The following LRRIQ1 variants were observed in gnomAD, a reference collection of about 807,000 sequenced individuals.
LRRIQ1 encodes leucine rich repeats and IQ motif containing 1, also known as leucine-rich repeat- and IQ domain-containing protein 1.
Under a neutral mutation model 211.9 loss-of-function variants are expected in LRRIQ1, and 210 were observed. That is an observed-to-expected ratio of 0.99 (90% CI 0.89 to 1.11). The LOEUF (loss-of-function observed/expected upper bound fraction) is 1.11, where lower values mean the gene tolerates loss of function less well. LRRIQ1 is among the 50% of genes most tolerant of loss of function. The pLI, the probability that LRRIQ1 is intolerant of heterozygous loss-of-function variation, is 0.00. For synonymous variants in LRRIQ1, 699 were observed against 650.1 expected (o/e 1.08, Z -1.14); for missense variants, 2,136 against 1,939.5 (o/e 1.10, Z -1.90).
At chr12:85,234,318 T>C in intron 26 of LRRIQ1, among the ~76,000 whole-genome samples, 1 of 152,176 alleles carries the variant, frequency 6.6e-6, no homozygotes, top group South Asian at 2.1e-4. Context: ...CTGATCATAA[T>C]AGGTTTATGA....
chr12:85,072,854 G>T, intron 10 of LRRIQ1, 53 bp from the exon 11 acceptor site: 1 of 1,321,268 alleles, frequency 7.6e-7, no homozygotes, highest in Non-Finnish European at 1.0e-6. Flanking sequence ...ATAACCACTT[G>T]CATTTATTAA....
chr12:85,227,027 C>A (rs1894692301), intron 24 of LRRIQ1, among the ~76,000 whole-genome samples: 1 of 151,526 alleles, frequency 6.6e-6, no homozygotes, highest in African/African-American at 2.4e-5. Flanking sequence ...GATTTATAAT[C>A]CTTTGGGTAT....
rs1273394204 is a variant in LRRIQ1, at chr12:85,073,036, C to T, written c.2825C>T (p.Pro942Leu). ...ACTGGATTATGTTGGTCCTGGATAC[C>T]TATTACCTCACTTACAAAAAATTCA... is the stretch of plus-strand genomic sequence containing the variant. ...IPTGLCWSWI[P>L]ITSLTKNSDC... The change falls in exon 11 of 27, where the codon CCT (proline) becomes CTT (leucine). Residue 942 changes from proline to leucine, a missense_variant. By Grantham distance (98) the Pro-to-Leu change is moderately conservative (BLOSUM62 -3). Coordinates refer to ENST00000393217, the MANE Select transcript of LRRIQ1 (RefSeq NM_001079910.2). 1.2e-6 allele frequency: 2 copies of T among 1,611,534 alleles called. No homozygotes were observed. The highest frequency in any genetic ancestry group is 1.7e-5 in the Admixed American group (1 of 59,706).
chr12:85,177,017 C>T (rs1248879273), intron 24 of LRRIQ1, among the ~76,000 whole-genome samples: 5 of 152,062 alleles, frequency 3.3e-5, no homozygotes, highest in African/African-American at 7.2e-5. Context: ...TCCAAACCTA[C>T]GTGATTTTGG....
intron 18 of LRRIQ1, among the ~76,000 whole-genome samples, chr12:85,135,330 A>G (rs1889047963): frequency 6.6e-6 from 1 of 151,830 alleles, no homozygotes. Flanking sequence ...TTTTTTAGCA[A>G]GAATATTTCA....
At chr12:85,132,738 G>A (rs190579281) in intron 18 of LRRIQ1, among the ~76,000 whole-genome samples, 32 of 151,660 alleles carry the variant, frequency 2.1e-4, no homozygotes, top group African/African-American at 6.5e-4. Flanking sequence ...TTCCAGCCTA[G>A]GTGAAAGAGT....
intron 13 of LRRIQ1, among the ~76,000 whole-genome samples, chr12:85,100,514 A>AT (rs2136289366): frequency 6.6e-6 from 1 of 151,778 alleles, no homozygotes; most frequent in South Asian, 2.1e-4. Context: ...TATTTGGGGG[A>AT]TAAAAAAATG....
chr12:85,089,905 G>A (rs1344917511), intron 11 of LRRIQ1, among the ~76,000 whole-genome samples: 1 of 152,310 alleles, frequency 6.6e-6, no homozygotes, highest in South Asian at 2.1e-4. Flanking sequence ...GGCAAGTGCT[G>A]ATAGCCAAGA....
Position 85,232,842 on chromosome 12 carries a change from A to AC in LRRIQ1, c.5016+87dup, listed in dbSNP as rs756790108. ...CACTTTAAGATATGTTTATAATTAAACTATGAAAATATCACAACTGTATCT... is the reference window on the plus strand; with the variant it reads ...CACTTTAAGATATGTTTATAATTAAACCTATGAAAATATCACAACTGTATCT... On this transcript the variant is annotated intron_variant, in intron 26 of 26. Coordinates refer to ENST00000393217, the MANE Select transcript of LRRIQ1 (RefSeq NM_001079910.2). The AC allele has an allele frequency of 6.7e-6, 6 of 895,964 alleles. No individual in the cohort carries two copies. The African/African-American group carries it at 1.0e-4, about 15-fold the overall frequency. The allele number at this position is 895,964 out of a possible 1,614,324, so 55.5% of individuals were successfully genotyped here. A position where few individuals can be genotyped will look rare whatever the true frequency, so the allele number is the denominator to read the frequency against.
chr12:85,248,705 A>G (rs1282858856), downstream of LRRIQ1, among the ~76,000 whole-genome samples: 1 of 151,778 alleles, frequency 6.6e-6, no homozygotes, highest in Non-Finnish European at 1.5e-5. Context: ...GAAGAGAAGC[A>G]ATTATAGTGG....
At position 85,094,319 on chromosome 12, in the gene LRRIQ1, A is replaced by G. The variant is rs551446566; in HGVS notation, c.2888-4036A>G. Among the ~76,000 whole-genome samples, 4 of 152,274 alleles carry G rather than the reference A, an allele frequency of 2.6e-5. No individual in the cohort carries two copies. The East Asian group carries it at 5.8e-4, about 22-fold the overall frequency. On this transcript the variant is annotated intron_variant, in intron 11 of 26. Transcript: ENST00000393217. The stretch of plus-strand genomic sequence containing the variant: ...CTGATTCTACTTTGTGGTGAGTTGT[A>G]TAATTATTTTATTATATACTAAAAT...
At chr12:85,054,908 ATCT>A (rs968176095) in intron 7 of LRRIQ1, among the ~76,000 whole-genome samples, 2 of 152,018 alleles carry the variant, frequency 1.3e-5, no homozygotes, top group African/African-American at 4.8e-5. Context: ...AATTTTGTTG[ATCT>A]TCTTACTTTT....
chr12:85,249,986 T>A (rs2137295789), downstream of LRRIQ1, among the ~76,000 whole-genome samples: 1 of 152,020 alleles, frequency 6.6e-6, no homozygotes, highest in Admixed American at 6.6e-5. Flanking sequence ...TACTAATTTT[T>A]TTTTTATTGT....
intron 13 of LRRIQ1, among the ~76,000 whole-genome samples, chr12:85,102,205 A>C (rs1427179498): frequency 6.6e-6 from 1 of 151,582 alleles, no homozygotes; most frequent in Non-Finnish European, 1.5e-5. Flanking sequence ...TGAGACTTAA[A>C]CCCACTAATT....
At chr12:85,253,558 G>A (rs117307003) in intron 1 of LRRIQ1, among the ~76,000 whole-genome samples, 2,952 of 152,038 alleles carry the variant, frequency 0.019, 37 homozygotes, top group Middle Eastern at 0.034. Context: ...TCTCATTATA[G>A]TGTCTTCTCA....
chr12:85,261,786 T>C (rs148428199), intron 1 of LRRIQ1, among the ~76,000 whole-genome samples: 1 of 147,814 alleles, frequency 6.8e-6, no homozygotes, highest in East Asian at 1.9e-4. Context: ...TATTTATTTA[T>C]TTATTTATTT....
intron 3 of LRRIQ1, 67 bp downstream of exon 3, chr12:85,040,668 A>G: frequency 2.2e-6 from 2 of 910,018 alleles, no homozygotes; most frequent in Non-Finnish European, 3.4e-6. Flanking sequence ...ATAATTTAGT[A>G]AACTAAAGTG....
chr12:85,094,969 G>A (rs1010828857), intron 11 of LRRIQ1, among the ~76,000 whole-genome samples: 54 of 152,204 alleles, frequency 3.5e-4, no homozygotes, highest in African/African-American at 1.3e-3. Flanking sequence ...CATTGATTTT[G>A]TATCCTGAAA....
chr12:85,047,388 A>C lies in LRRIQ1; in HGVS notation c.596A>C (p.Gln199Pro), dbSNP rs1486592645. ...LKAQRDREEK[Q>P]FQEEEEKRHC... ...GCTCAGAGGGATAGAGAAGAAAAAC[A>C]ATTTCAAGAAGAAGAAGAAAAGCGA... The change falls in exon 6 of 27, where the codon CAA (glutamine) becomes CCA (proline). Residue 199 changes from glutamine to proline, a missense_variant. Transcript: ENST00000393217. 1 of 1,611,874 alleles carries C rather than the reference A, an allele frequency of 6.2e-7. No homozygotes were observed.
Sources: allele counts gnomAD v4.1 joint callset (sites outside exome capture counted in the v4.1 genomes callset), GRCh38; gene constraint gnomAD v4.1.1; transcripts MANE v1.5; gene names NCBI Gene and HGNC (gene_info 2026-07-23, HGNC 2026-07-21).